TP73: variants seen among roughly 807,000 people sequenced by gnomAD.
TP73 encodes p53-like transcription factor.
TP73 carries 25 observed loss-of-function variants against 62.5 expected under a neutral mutation model. That is an observed-to-expected ratio of 0.40 (90% CI 0.29 to 0.56). The LOEUF (loss-of-function observed/expected upper bound fraction) is 0.56. TP73 is among the 20% of genes least tolerant of loss of function. The pLI is 0.46. For synonymous variants in TP73, 423 were observed against 377.5 expected (o/e 1.12, Z -1.40); for missense variants, 754 against 913.3 (o/e 0.83, Z 2.25).
intron 1 of TP73, among the ~76,000 whole-genome samples, chr1:3,667,635 A>G (rs1447873664): frequency 6.6e-6 from 1 of 152,002 alleles, no homozygotes; most frequent in Non-Finnish European, 1.5e-5. Context: ...CTGTAGTCCC[A>G]GCTATTCAGG....
intron 4 of TP73, among the ~76,000 whole-genome samples, chr1:3,709,043 C>A (rs1639914393): frequency 6.6e-6 from 1 of 152,166 alleles, no homozygotes; most frequent in African/African-American, 2.4e-5. Context: ...TTTTCCCACG[C>A]TCCTGGAGGG....
At chr1:3,692,820 G>A (rs974096216) in intron 3 of TP73, among the ~76,000 whole-genome samples, 4 of 152,214 alleles carry the variant, frequency 2.6e-5, no homozygotes, top group South Asian at 2.1e-4. Context: ...ATGTGGTTGC[G>A]CAGACGCCAT....
chr1:3,729,318 T>C lies in TP73; in HGVS notation c.1075-9T>C, dbSNP rs201304641. 6.2e-7 allele frequency: 1 copy of C among 1,612,974 alleles called. No individual in the cohort carries two copies. The highest frequency in any genetic ancestry group is 1.3e-5 in the African/African-American group (1 of 75,058). ...GCACGTGGGCAGAGATCTGCTCCTC[T>C]GTGCTCAGGTGCGAGGCCGGGAGAA... is the stretch of plus-strand genomic sequence containing the variant. On this transcript the variant is annotated splice_polypyrimidine_tract_variant and intron_variant, in intron 9 of 13. Transcript: ENST00000378295.
At position 3,670,256 on chromosome 1, in the gene TP73, G is replaced by A. The variant is rs546315558; in HGVS notation, c.-33-12077G>A. 6.6e-6 allele frequency among the ~76,000 whole-genome samples: 1 copy of A among 152,308 alleles called. No individual in the cohort carries two copies. Among genetic ancestry groups the A allele is most frequent in the African/African-American group, 2.4e-5 (1 of 41,556 alleles). On this transcript the variant is annotated intron_variant, in intron 1 of 13. Transcript: ENST00000378295. This position sits in a 1 kb window ranked among gnomAD's most constrained non-coding sequence, Gnocchi z 5.9. ...GGCAGGGATGATGATGGGGCCGGGG[G>A]ACCACATGGGCACAGGCTTCTGGAA... is the stretch of plus-strand genomic sequence containing the variant.
Position 3,685,877 on chromosome 1 carries a change from C to T in TP73, c.186+2697C>T, listed in dbSNP as rs187131587. On this transcript the variant is annotated intron_variant, in intron 3 of 13. Transcript: ENST00000378295. Reference sequence around the variant, plus strand: ...TGAGTGCCCCCTGGAAAACTGCCACCTGCAGCTCAGGGGCCCAGTTCTAGC... The same window carrying T: ...TGAGTGCCCCCTGGAAAACTGCCACTTGCAGCTCAGGGGCCCAGTTCTAGC... Among the ~76,000 whole-genome samples the T allele has an allele frequency of 2.6e-5, 4 of 152,338 alleles. No homozygotes were observed. The East Asian group carries it at 5.8e-4, about 22-fold the overall frequency.
At chr1:3,722,240 C>A (rs2124478991) in intron 5 of TP73, 33 bp downstream of exon 5, 1 of 1,609,836 alleles carries the variant, frequency 6.2e-7, no homozygotes, top group Non-Finnish European at 8.5e-7. Flanking sequence ...CCCACGGTGG[C>A]ACTTTGCCCA....
intron 4 of TP73, among the ~76,000 whole-genome samples, chr1:3,709,023 A>G (rs1423995518): frequency 1.3e-5 from 2 of 152,212 alleles, no homozygotes; most frequent in Non-Finnish European, 2.9e-5. Flanking sequence ...CCTGCTGGCC[A>G]TAGCTGCGGT....
rs1641254405 is a variant in TP73 at position 3,723,347 on chromosome 1, C to T, written c.617-7C>T. On this transcript the variant is annotated splice_region_variant and splice_polypyrimidine_tract_variant and intron_variant, in intron 5 of 13. Coordinates refer to ENST00000378295, the MANE Select transcript of TP73 (RefSeq NM_005427.4). ...CACCTCTCTGAAGTGTCGACCCCTC[C>T]CGGCAGGACAGTCTGCTCCAGCCAG... The T allele has an allele frequency of 1.2e-6, 2 of 1,611,568 alleles. No individual in the cohort carries two copies. The highest frequency in any genetic ancestry group is 1.3e-5 in the African/African-American group (1 of 75,022).
At chr1:3,703,955 A>AG (rs1259482523) in intron 3 of TP73, among the ~76,000 whole-genome samples, 2 of 152,112 alleles carry the variant, frequency 1.3e-5, no homozygotes, top group African/African-American at 4.8e-5. Flanking sequence ...TGGAAGAGAG[A>AG]GGGCACCACG....
At chr1:3,688,318 C>A (rs1045210810) in intron 3 of TP73, among the ~76,000 whole-genome samples, 2 of 152,188 alleles carry the variant, frequency 1.3e-5, no homozygotes, top group African/African-American at 4.8e-5. Context: ...CTCTTCCATG[C>A]GGTGGGATGA....
chr1:3,718,974 G>T (rs1640845657), intron 4 of TP73, among the ~76,000 whole-genome samples: 1 of 152,162 alleles, frequency 6.6e-6, no homozygotes, highest in Admixed American at 6.5e-5. Context: ...CACGCAGTGA[G>T]TCAGAGATGC....
At chr1:3,715,969 G>A (rs1452407234) in intron 4 of TP73, among the ~76,000 whole-genome samples, 2 of 152,172 alleles carry the variant, frequency 1.3e-5, no homozygotes, top group African/African-American at 4.8e-5. Context: ...TGTCTCCCAG[G>A]GAGCCGCGCT....
chr1:3,707,769 C>T lies in TP73; in HGVS notation c.407C>T (p.Thr136Met), dbSNP rs533423024. Residue 136 changes from threonine to methionine, a missense_variant, in exon 4 of 14, where the codon ACG (threonine) becomes ATG (methionine). By Grantham distance (81) the Thr-to-Met change is moderately conservative. Transcript: ENST00000378295. The stretch of plus-strand genomic sequence containing the variant: ...GAGGTCACTTTCCAGCAGTCCAGCA[C>T]GGCCAAGTCAGCCACCTGGACGGTG... ...HFEVTFQQSS[T>M]AKSATWTYSP... 32 of 1,612,918 alleles carry T rather than the reference C, an allele frequency of 2.0e-5. No homozygotes were observed. Among genetic ancestry groups the T allele is most frequent in the South Asian group, 5.5e-5 (5 of 91,078 alleles).
chr1:3,684,687 G>C (rs939558126), intron 3 of TP73, among the ~76,000 whole-genome samples: 1 of 152,164 alleles, frequency 6.6e-6, no homozygotes, highest in African/African-American at 2.4e-5. Flanking sequence ...GGCAGCCACA[G>C]TCCCGGGGGG....
intron 1 of TP73, among the ~76,000 whole-genome samples, chr1:3,676,791 C>A (rs1477580180): frequency 6.6e-6 from 1 of 151,950 alleles, no homozygotes; most frequent in African/African-American, 2.4e-5. Flanking sequence ...CTGCAAAGTG[C>A]CTGGCCAGCC....
intron 4 of TP73, among the ~76,000 whole-genome samples, chr1:3,715,864 C>T (rs1279755510): frequency 6.6e-6 from 1 of 152,206 alleles, no homozygotes; most frequent in Non-Finnish European, 1.5e-5. Context: ...CCCTCCCCTA[C>T]CCCGATCATA....
At chr1:3,713,981 G>A (rs1326836547) in intron 4 of TP73, among the ~76,000 whole-genome samples, 1 of 152,074 alleles carries the variant, frequency 6.6e-6, no homozygotes, top group Non-Finnish European at 1.5e-5. Context: ...ATTACCTAAA[G>A]CCCAGAGCCA....
At chr1:3,712,961 G>A (rs1005712691) in intron 4 of TP73, among the ~76,000 whole-genome samples, 2 of 152,200 alleles carry the variant, frequency 1.3e-5, no homozygotes, top group Non-Finnish European at 2.9e-5. Flanking sequence ...TCTGCTCCCA[G>A]CTCTGTGGGG....
At chr1:3,671,791 A>C (rs1645246043) in intron 1 of TP73, among the ~76,000 whole-genome samples, 1 of 152,206 alleles carries the variant, frequency 6.6e-6, no homozygotes, top group Non-Finnish European at 1.5e-5. Flanking sequence ...CCTGAGAGCC[A>C]GCGGACAGCC....
Sources: allele counts gnomAD v4.1 joint callset (sites outside exome capture counted in the v4.1 genomes callset), GRCh38; gene constraint gnomAD v4.1.1; non-coding constraint Gnocchi (gnomAD v3.1); transcripts MANE v1.5; gene names NCBI Gene and HGNC (gene_info 2026-07-23, HGNC 2026-07-21).